Variants in SLC25A48 observed in about 807,000 individuals in gnomAD.
SLC25A48 encodes solute carrier family 25 member 48.
A neutral mutation model predicts 32.2 loss-of-function variants in SLC25A48; 29 were observed. The ratio of observed to expected loss-of-function variants is 0.90; its 90% confidence interval spans 0.67 to 1.23. The LOEUF (loss-of-function observed/expected upper bound fraction) is 1.23, where lower values mean the gene tolerates loss of function less well. Ranked by LOEUF, SLC25A48 falls within the 50% of genes most tolerant of loss-of-function variation. The pLI, the probability that SLC25A48 is intolerant of heterozygous loss-of-function variation, is 0.00. For missense variants in SLC25A48, 399 were observed against 422.7 expected, an observed-to-expected ratio of 0.94 and a Z score of 0.49; for synonymous variants, 164 against 172.3, an observed-to-expected ratio of 0.95 and a Z score of 0.38.
At chr5:135,874,650 G>T (rs1197380248) in intron 6 of SLC25A48, 1 of 699,512 alleles carries the variant, frequency 1.4e-6, no homozygotes, top group Non-Finnish European at 2.6e-6. Context: ...CAGACCTCTG[G>T]TCGTGGCTGA....
chr5:135,635,741 G>A (rs1387804303), intron 3 of SLC25A48, among the ~76,000 whole-genome samples: 2 of 152,172 alleles, frequency 1.3e-5, no homozygotes, highest in African/African-American at 4.8e-5. Flanking sequence ...ACGCAGAATT[G>A]GGAAGAGATA....
At chr5:135,596,286 T>A (rs1244353201) in intron 1 of SLC25A48, among the ~76,000 whole-genome samples, 1 of 152,194 alleles carries the variant, frequency 6.6e-6, no homozygotes. Flanking sequence ...TTATACTCAA[T>A]TGGTAACCAT....
intron 3 of SLC25A48, among the ~76,000 whole-genome samples, chr5:135,697,761 A>G (rs2126963505): frequency 6.6e-6 from 1 of 152,322 alleles, no homozygotes; most frequent in Non-Finnish European, 1.5e-5. Context: ...GGCCTGAAAG[A>G]GAGCTGTTCC....
At chr5:135,792,799 C>T (rs1328030786) in intron 3 of SLC25A48, among the ~76,000 whole-genome samples, 1 of 151,004 alleles carries the variant, frequency 6.6e-6, no homozygotes, top group Non-Finnish European at 1.5e-5. Context: ...TCCTAATATA[C>T]TGAGAAGATA....
intron 3 of SLC25A48, among the ~76,000 whole-genome samples, chr5:135,652,929 G>A (rs1196311814): frequency 2.6e-5 from 4 of 152,156 alleles, no homozygotes; most frequent in African/African-American, 9.7e-5. Flanking sequence ...GGGAAGTAGG[G>A]CCTAATGCAA....
chr5:135,584,493 A>G (rs926889080), intron 1 of SLC25A48, among the ~76,000 whole-genome samples: 1 of 152,264 alleles, frequency 6.6e-6, no homozygotes. Flanking sequence ...AAATAGCAAC[A>G]TCCAAAGCTG....
intron 1 of SLC25A48, among the ~76,000 whole-genome samples, chr5:135,592,021 A>G (rs1580706730): frequency 6.6e-6 from 1 of 152,180 alleles, no homozygotes; most frequent in African/African-American, 2.4e-5. Flanking sequence ...TTTGAGAACC[A>G]CAAAGCTCTG....
chr5:135,866,559 G>A (rs565539890), intron 4 of SLC25A48, among the ~76,000 whole-genome samples: 2 of 152,126 alleles, frequency 1.3e-5, no homozygotes, highest in South Asian at 2.1e-4. Flanking sequence ...GGCTGTATTG[G>A]TACCTGTTAG....
intron 7 of SLC25A48, among the ~76,000 whole-genome samples, chr5:135,884,004 C>T (rs1382348549): frequency 2.6e-5 from 4 of 152,150 alleles, no homozygotes; most frequent in Non-Finnish European, 4.4e-5. Context: ...AGCTGAGTGG[C>T]GCCTCAGAGT....
chr5:135,638,441 C>T (rs1461477564), intron 3 of SLC25A48, among the ~76,000 whole-genome samples: 1 of 152,126 alleles, frequency 6.6e-6, no homozygotes, highest in Admixed American at 6.6e-5. Flanking sequence ...CATTTGTAGC[C>T]AACACCCTGG....
chr5:135,862,804 G>A (rs796594819), intron 4 of SLC25A48, among the ~76,000 whole-genome samples: 12 of 152,310 alleles, frequency 7.9e-5, no homozygotes, highest in African/African-American at 2.2e-4. Context: ...GGAGCCTTTG[G>A]TTAGCACAGA....
intron 3 of SLC25A48, among the ~76,000 whole-genome samples, chr5:135,700,771 C>T (rs1043217990): frequency 7.9e-5 from 12 of 152,246 alleles, no homozygotes; most frequent in African/African-American, 2.9e-4. Context: ...TGGGCCTCTG[C>T]ATGGCTCCCC....
chr5:135,620,401 G>C (rs184451746), intron 1 of SLC25A48, among the ~76,000 whole-genome samples: 1 of 152,266 alleles, frequency 6.6e-6, no homozygotes, highest in East Asian at 1.9e-4. Context: ...TCAGGGGCAG[G>C]GTGATCCCCA....
At chr5:135,724,086 C>T (rs183820938) in intron 3 of SLC25A48, among the ~76,000 whole-genome samples, 124 of 152,340 alleles carry the variant, frequency 8.1e-4, no homozygotes, top group Non-Finnish European at 1.4e-3. Flanking sequence ...CAACCAGAGA[C>T]TGTCCTTTTC....
At chr5:135,873,235 G>A (rs561195757) in intron 5 of SLC25A48, among the ~76,000 whole-genome samples, 12 of 152,312 alleles carry the variant, frequency 7.9e-5, no homozygotes, top group African/African-American at 2.6e-4. Context: ...GAGCTACTGC[G>A]CAGCAATTAC....
chr5:135,794,652 G>A (rs1268468151), intron 3 of SLC25A48, among the ~76,000 whole-genome samples: 2 of 151,564 alleles, frequency 1.3e-5, no homozygotes, highest in South Asian at 2.1e-4. Context: ...ATCGCAGGGG[G>A]TGTACAACCC....
chr5:135,886,628 TATATATATAA>T (rs1190545737), intron 7 of SLC25A48, among the ~76,000 whole-genome samples: 2 of 23,562 alleles, frequency 8.5e-5, no homozygotes, highest in East Asian at 1.7e-3. Context: ...TATATATATA[TATATATATAA>T]AATATATATA....
upstream of SLC25A48, among the ~76,000 whole-genome samples, chr5:135,830,069 G>C (rs1458671372): frequency 1.3e-5 from 2 of 152,144 alleles, no homozygotes; most frequent in Non-Finnish European, 2.9e-5. Context: ...ACCTTAGATG[G>C]GTTCTCATCA....
At chr5:135,746,683 C>T (rs890832074) in intron 3 of SLC25A48, among the ~76,000 whole-genome samples, 1 of 152,194 alleles carries the variant, frequency 6.6e-6, no homozygotes, top group African/African-American at 2.4e-5. Flanking sequence ...TTCTTCATGA[C>T]CTCAGTGTCA....
Sources: allele counts gnomAD v4.1 joint callset (sites outside exome capture counted in the v4.1 genomes callset), GRCh38; gene constraint gnomAD v4.1.1; transcripts MANE v1.5; gene names NCBI Gene and HGNC (gene_info 2026-07-23, HGNC 2026-07-21).